SEC16B: variants seen among roughly 807,000 people sequenced by gnomAD.
The protein encoded by SEC16B is SEC16 homolog B, endoplasmic reticulum export factor, also known as protein transport protein Sec16B.
SEC16B carries 115 observed loss-of-function variants against 141.8 expected under a neutral mutation model. The ratio of observed to expected loss-of-function variants is 0.81; its 90% CI spans 0.70 to 0.95. SEC16B has a LOEUF of 0.95. Ranked by LOEUF, SEC16B falls within the 40% of genes least tolerant of loss-of-function variation. The probability of loss-of-function intolerance (pLI) is 0.00; values close to 1 mark genes in which losing one functional copy is unlikely to be tolerated. For synonymous variants in SEC16B, 493 were observed against 492.5 expected (o/e 1.00, Z -0.01); for missense variants, 1,291 against 1,312.3 (o/e 0.98, Z 0.25).
chr1:177,942,281 C>T (rs1651337072), intron 15 of SEC16B, among the ~76,000 whole-genome samples: 1 of 152,216 alleles, frequency 6.6e-6, no homozygotes, highest in Admixed American at 6.5e-5. Context: ...CTTCCTAGGT[C>T]CTGGTCACCA....
Position 177,929,816 on chromosome 1 carries a change from A to C in SEC16B, c.*42T>G. On this transcript the variant is annotated 3_prime_UTR_variant, in exon 26 of 26. Coordinates refer to ENST00000308284, the MANE Select transcript of SEC16B (RefSeq NM_033127.4). ...GAGATTGAGAAAAAGAGAGCAAGAA[A>C]GTTTCAGTCCTGGGAGATGAGCCTG... is the stretch of plus-strand genomic sequence containing the variant. The C allele has an allele frequency of 6.2e-7, 1 of 1,604,208 alleles. No homozygotes were observed. Among genetic ancestry groups the C allele is most frequent in the Non-Finnish European group, 8.5e-7 (1 of 1,172,764 alleles).
chr1:177,951,730 A>G (rs111295057), intron 12 of SEC16B, among the ~76,000 whole-genome samples, 184 bp downstream of exon 12: 30 of 152,338 alleles, frequency 2.0e-4, no homozygotes, highest in Non-Finnish European at 3.7e-4. Context: ...TCCTACCTCT[A>G]TGCATTAAAC....
chr1:177,936,174 T>C (rs1650823716), intron 20 of SEC16B, 124 bp downstream of exon 20: 1 of 739,096 alleles, frequency 1.4e-6, no homozygotes, highest in African/African-American at 1.8e-5. Context: ...CAAGGCGAGA[T>C]GTGGAAGAGA....
rs929208659 is a variant in SEC16B, at chr1:177,954,357, A to G, written c.1385T>C (p.Met462Thr). 5.7e-6 allele frequency: 9 copies of G among 1,574,196 alleles called. No individual in the cohort carries two copies. Among genetic ancestry groups the G allele is most frequent in the South Asian group, 1.2e-5 (1 of 85,414 alleles). The change falls in exon 11 of 26, where the codon ATG becomes ACG. Residue 462 changes from methionine (M) to threonine (T), a missense_variant. Met to Thr is a moderately conservative substitution (Grantham distance 81). Around this residue, in one of 3 missense-constraint regions of SEC16B, gnomAD observed 681 missense variants for 675.5 expected, o/e 1.01. Coordinates refer to ENST00000308284, the MANE Select transcript of SEC16B (RefSeq NM_033127.4). ...AGCATGGCCCCACAAGTGGTTCTTC[A>G]TGGCCCACTCCAAGGCTTCCTGAAA... The part of the protein sequence containing the change: ...GRKKEALEWA[M>T]KNHLWGHALF...
intron 9 of SEC16B, 55 bp downstream of exon 9, chr1:177,958,785 C>A: frequency 6.4e-7 from 1 of 1,561,820 alleles, no homozygotes; most frequent in Non-Finnish European, 8.7e-7. Flanking sequence ...CTTATCTATC[C>A]CATGAAGACT....
chr1:177,978,742 A>ATAG lies in SEC16B; in HGVS notation c.-59+5463_-59+5464insCTA, dbSNP rs1654283437. On this transcript the variant is annotated intron_variant and NMD_transcript_variant, in intron 1 of 24. Transcript: ENST00000528461. Reference sequence around the variant, plus strand: ...AAATAAATAAATAAATAAATAAATAAATAGCATAGCAGAAAAGTTCATTTC... The same window carrying ATAG: ...AAATAAATAAATAAATAAATAAATAATAGATAGCATAGCAGAAAAGTTCATTTC... 6.1e-5 allele frequency among the ~76,000 whole-genome samples: 9 copies of ATAG among 146,370 alleles called. No individual in the cohort carries two copies. The South Asian group carries it at 6.4e-4, about 10-fold the overall frequency.
At chr1:177,949,233 C>T (rs543505742) in intron 12 of SEC16B, among the ~76,000 whole-genome samples, 16 of 152,186 alleles carry the variant, frequency 1.1e-4, no homozygotes, top group African/African-American at 3.6e-4. Flanking sequence ...TGTGTCACAT[C>T]GAACCATGAA....
At position 177,933,471 on chromosome 1, in the gene SEC16B, C is replaced by T. The variant is rs200238787; in HGVS notation, c.2724+13G>A. ...GGAAGGAAGGCAGGGGAGAGAAGAA[C>T]AAGTCCCTCCACCTTTGTATGCTCC... On this transcript the variant is annotated intron_variant, in intron 21 of 25. Coordinates refer to ENST00000308284, the MANE Select transcript of SEC16B (RefSeq NM_033127.4). 8.1e-4 allele frequency: 1,297 copies of T among 1,610,282 alleles called. No individual in the cohort carries two copies. The highest frequency in any genetic ancestry group is 9.8e-4 in the Non-Finnish European group (1,149 of 1,178,100).
chr1:177,971,003 C>T (rs1445247096), upstream of SEC16B, among the ~76,000 whole-genome samples: 1 of 151,984 alleles, frequency 6.6e-6, no homozygotes, highest in Non-Finnish European at 1.5e-5. Flanking sequence ...ACCTAAGCTA[C>T]AAGATTTTCT....
chr1:177,951,144 A>C (rs1652166467), intron 12 of SEC16B, among the ~76,000 whole-genome samples: 2 of 152,252 alleles, frequency 1.3e-5, no homozygotes, highest in Non-Finnish European at 2.9e-5. Flanking sequence ...ATATGTGTAC[A>C]TGGAATTCCT....
intron 25 of SEC16B, 120 bp from the exon 26 acceptor site, chr1:177,930,049 G>C: frequency 2.1e-6 from 2 of 956,268 alleles, no homozygotes; most frequent in Non-Finnish European, 3.1e-6. Context: ...TCCCAAGGTT[G>C]TGTTCTAATT....
At chr1:177,942,182 A>C in intron 15 of SEC16B, 142 bp from the exon 16 acceptor site, 1 of 919,438 alleles carries the variant, frequency 1.1e-6, no homozygotes, top group Non-Finnish European at 1.6e-6. Context: ...TGCCATTTGG[A>C]GCATTTTATC....
At chr1:177,980,333 T>C (rs1654354767) in intron 1 of SEC16B, among the ~76,000 whole-genome samples, 2 of 152,258 alleles carry the variant, frequency 1.3e-5, no homozygotes, top group Admixed American at 6.5e-5. Context: ...TTTTAGACAA[T>C]ATTAATTCAT....
At chr1:177,932,468 C>T (rs779107201) in intron 24 of SEC16B, 22 bp downstream of exon 24, 1 of 1,506,346 alleles carries the variant, frequency 6.6e-7, no homozygotes, top group South Asian at 1.3e-5. Context: ...GTCCGAGGCT[C>T]CAGCCCAGGG....
chr1:177,948,769 G>C, intron 12 of SEC16B: 1 of 1,031,614 alleles, frequency 9.7e-7, no homozygotes, highest in Non-Finnish European at 1.3e-6. Context: ...GTTTCTTAAT[G>C]TCTCTGAACC....
chr1:177,941,602 G>A lies in SEC16B; in HGVS notation c.2022+298C>T, dbSNP rs990950681. 2.6e-5 allele frequency among the ~76,000 whole-genome samples: 4 copies of A among 152,180 alleles called. No homozygotes were observed. The South Asian group carries it at 6.2e-4, about 24-fold the overall frequency. The stretch of plus-strand genomic sequence containing the variant: ...GCTTTTATAATTAGAATGGTTCACC[G>A]TAGCATGTAGTTTTACTGTACCAGA... On this transcript the variant is annotated intron_variant, in intron 16 of 25. Transcript: ENST00000308284.
At chr1:177,933,664 G>A in intron 20 of SEC16B, 28 bp from the exon 21 acceptor site, 1 of 1,612,310 alleles carries the variant, frequency 6.2e-7, no homozygotes, top group Non-Finnish European at 8.5e-7. Context: ...ACTCACATTT[G>A]CATGGCACTT....
chr1:177,928,983 C>A lies in SEC16B; in HGVS notation c.*875G>T, dbSNP rs1020071100. 5.2e-5 allele frequency: 8 copies of A among 152,534 alleles called. No individual in the cohort carries two copies. The highest frequency in any genetic ancestry group is 1.9e-4 in the African/African-American group (8 of 41,524). 9.4% of individuals were successfully genotyped at this position (152,534 alleles called of 1,614,324 possible). The stretch of plus-strand genomic sequence containing the variant: ...AGAGAAATGGAAATTTCCAAGACGC[C>A]CCCCTCCTCCCTCTCACTCCAGTGA... On this transcript the variant is annotated 3_prime_UTR_variant, in exon 26 of 26. Coordinates refer to ENST00000308284, the MANE Select transcript of SEC16B (RefSeq NM_033127.4).
rs2101953268 is a variant in SEC16B, at chr1:177,951,986, G to A, written c.1473C>T (p.Ser491=). ...GCAGTGGGTCATTGAGCGCCAGCGTGCTGGTGAAGCTGCGGAGAGAAGGAT... is the reference window on the plus strand; with the variant it reads ...GCAGTGGGTCATTGAGCGCCAGCGTACTGGTGAAGCTGCGGAGAGAAGGAT... ...TYSWVMSGFT[S]TLALNDPLQT... Residue 491 remains serine (S), a synonymous_variant, in exon 12 of 26, where the codon AGC becomes AGT. Coordinates refer to ENST00000308284, the MANE Select transcript of SEC16B (RefSeq NM_033127.4). The A allele has an allele frequency of 1.2e-6, 2 of 1,600,542 alleles. No individual in the cohort carries two copies. The highest frequency in any genetic ancestry group is 2.3e-5 in the East Asian group (1 of 44,136).
Sources: allele counts gnomAD v4.1 joint callset (sites outside exome capture counted in the v4.1 genomes callset), GRCh38; gene constraint gnomAD v4.1.1; regional missense constraint gnomAD v4.1.1; transcripts MANE v1.5; gene names NCBI Gene and HGNC (gene_info 2026-07-23, HGNC 2026-07-21).